The following CEMIP2 variants were observed in gnomAD, a reference collection of about 807,000 sequenced individuals.
The protein encoded by CEMIP2 is cell migration inducing hyaluronidase 2.
Under a neutral mutation model 146.9 loss-of-function variants are expected in CEMIP2, and 79 were observed. The ratio of observed to expected loss-of-function variants is 0.54; its 90% CI spans 0.45 to 0.65. CEMIP2 has a LOEUF of 0.65. CEMIP2 is among the 30% of genes least tolerant of loss of function. The probability of loss-of-function intolerance (pLI) is 0.00; values close to 1 mark genes in which losing one functional copy is unlikely to be tolerated. For missense variants in CEMIP2, 1,596 were observed against 1,696.2 expected, an observed-to-expected ratio of 0.94 and a Z score of 1.04; for synonymous variants, 601 against 606.3, an observed-to-expected ratio of 0.99 and a Z score of 0.13.
intron 1 of CEMIP2, among the ~76,000 whole-genome samples, chr9:71,762,384 G>A (rs1824659645): frequency 6.6e-6 from 1 of 151,858 alleles, no homozygotes; most frequent in African/African-American, 2.4e-5. Context: ...CCACTTAGAG[G>A]CCGAGGCAGT....
rs55972127 is a variant in CEMIP2 at position 71,755,961 on chromosome 9, CAAAAAAAAA to C, written c.-12-5585_-12-5577del. ...GGTGACAGAGCATGACTCTGTCTCA[CAAAAAAAAA>C]AAAAAAAAAAAAAAAAAAAACCTCT... On this transcript the variant is annotated intron_variant, in intron 1 of 23. Coordinates refer to ENST00000377044, the MANE Select transcript of CEMIP2 (RefSeq NM_013390.3). Among the ~76,000 whole-genome samples, 3 of 52,898 alleles carry C rather than the reference CAAAAAAAAA, an allele frequency of 5.7e-5. No individual in the cohort carries two copies. The South Asian group carries it at 1.8e-3, about 31-fold the overall frequency. The allele number at this position is 52,898 out of a possible 152,430, so 34.7% of individuals were successfully genotyped here. A position where few individuals can be genotyped will look rare whatever the true frequency, so the allele number is the denominator to read the frequency against.
At chr9:71,744,865 A>G (rs186505904) in intron 4 of CEMIP2, among the ~76,000 whole-genome samples, 153 bp downstream of exon 4, 34 of 152,294 alleles carry the variant, frequency 2.2e-4, no homozygotes, top group Admixed American at 4.6e-4. Context: ...CCTATCCTCC[A>G]GCCCCATGTC....
At chr9:71,765,512 A>T (rs1824763962) in intron 1 of CEMIP2, among the ~76,000 whole-genome samples, 1 of 152,186 alleles carries the variant, frequency 6.6e-6, no homozygotes, top group African/African-American at 2.4e-5. Flanking sequence ...TTTTAAATCC[A>T]AGTCTGACTT....
At chr9:71,728,319 G>GTATATATATATATATATATATATATACA (rs371027741) in intron 10 of CEMIP2, among the ~76,000 whole-genome samples, 1 of 32,970 alleles carries the variant, frequency 3.0e-5, no homozygotes, top group Non-Finnish European at 5.4e-5. Flanking sequence ...ATATATATAC[G>GTATATATATATATATATATATATATACA]TATATATATA....
intron 19 of CEMIP2, 110 bp from the exon 20 acceptor site, chr9:71,698,314 TC>T: frequency 2.3e-6 from 2 of 856,736 alleles, no homozygotes; most frequent in Non-Finnish European, 3.7e-6. Flanking sequence ...TAGTAACTTT[TC>T]CTTAAAACAT....
chr9:71,717,659 C>G (rs188847238), intron 13 of CEMIP2, among the ~76,000 whole-genome samples: 1 of 152,174 alleles, frequency 6.6e-6, no homozygotes, highest in Non-Finnish European at 1.5e-5. Flanking sequence ...AGCGCTCTGA[C>G]ATAGACCATG....
chr9:71,742,876 C>T (rs1823962115), intron 4 of CEMIP2, among the ~76,000 whole-genome samples: 1 of 152,100 alleles, frequency 6.6e-6, no homozygotes, highest in African/African-American at 2.4e-5. Flanking sequence ...CAGATGGCCA[C>T]CAATAAATAA....
At chr9:71,769,180 A>G (rs928398395), upstream of CEMIP2, among the ~76,000 whole-genome samples, 16 of 152,246 alleles carry the variant, frequency 1.1e-4, no homozygotes, top group South Asian at 2.3e-3. Context: ...CTGTGCCTCC[A>G]GCACCCCCAG....
chr9:71,725,653 C>T lies in CEMIP2; in HGVS notation c.2106G>A (p.Leu702=), dbSNP rs1262030754. 3 of 1,614,024 alleles carry T rather than the reference C, an allele frequency of 1.9e-6. No individual in the cohort carries two copies. The highest frequency in any genetic ancestry group is 2.5e-6 in the Non-Finnish European group (3 of 1,179,948). The part of the protein sequence containing the change: ...HKEPTGESSG[L]QLLAKPELTP... ...TGAGTTCTGGTTTTGCCAAGAGCTG[C>T]AATCCACTGGATTCCCCAGTTGGTT... The change falls in exon 11 of 24, where the codon TTG becomes TTA. Residue 702 remains leucine (L), a synonymous_variant. Transcript: ENST00000377044.
chr9:71,717,463 C>A (rs1003394999), intron 13 of CEMIP2, among the ~76,000 whole-genome samples: 3 of 151,982 alleles, frequency 2.0e-5, no homozygotes, highest in Admixed American at 2.0e-4. Flanking sequence ...TGCATGAGAC[C>A]ACTCCTAAAA....
intron 10 of CEMIP2, among the ~76,000 whole-genome samples, chr9:71,728,285 A>ATATATATATG (rs1823491784): frequency 7.3e-5 from 2 of 27,312 alleles, no homozygotes; most frequent in African/African-American, 2.2e-4. Context: ...ATATATGTAT[A>ATATATATATG]TATATATATA....
At chr9:71,728,263 A>C (rs11142983) in intron 10 of CEMIP2, among the ~76,000 whole-genome samples, 5 of 10,556 alleles carry the variant, frequency 4.7e-4, no homozygotes, top group African/African-American at 1.0e-3. Context: ...ATATACACGT[A>C]TATATATATA....
chr9:71,755,961 CAAAAAA>C (rs55972127), intron 1 of CEMIP2, among the ~76,000 whole-genome samples: 2 of 52,890 alleles, frequency 3.8e-5, no homozygotes, highest in Non-Finnish European at 7.4e-5. Flanking sequence ...CTCTGTCTCA[CAAAAAA>C]AAAAAAAAAA....
At chr9:71,757,869 T>C (rs1824511347) in intron 1 of CEMIP2, among the ~76,000 whole-genome samples, 1 of 152,238 alleles carries the variant, frequency 6.6e-6, no homozygotes, top group African/African-American at 2.4e-5. Context: ...TAAAAAAGTG[T>C]TCAATTAGAA....
At position 71,745,575 on chromosome 9, in the gene CEMIP2, C is replaced by G; in HGVS notation, c.477G>C (p.Leu159=). ...VHSIVIQDGG[L]LVFGDNKDGS... is the part of the protein sequence containing the mutation. ...CATCTTTATTGTCCCCAAATACAAGCAGTCCTGCAGGGAACACCACCCTGT... is the reference window on the plus strand; with the variant it reads ...CATCTTTATTGTCCCCAAATACAAGGAGTCCTGCAGGGAACACCACCCTGT... The change falls in exon 4 of 24, where the codon CTG becomes CTC. Residue 159 remains leucine, a synonymous_variant. Coordinates refer to ENST00000377044, the MANE Select transcript of CEMIP2 (RefSeq NM_013390.3). 2 of 1,595,368 alleles carry G rather than the reference C, an allele frequency of 1.3e-6. No homozygotes were observed. Among genetic ancestry groups the G allele is most frequent in the African/African-American group, 2.7e-5 (2 of 74,602 alleles).
chr9:71,735,967 G>A (rs140201881), intron 5 of CEMIP2, among the ~76,000 whole-genome samples: 265 of 152,106 alleles, frequency 1.7e-3, no homozygotes, highest in African/African-American at 6.0e-3. Context: ...GGTGGCACAC[G>A]CTTGTGGTCC....
At chr9:71,737,704 A>C (rs1823801681) in intron 5 of CEMIP2, among the ~76,000 whole-genome samples, 1 of 152,172 alleles carries the variant, frequency 6.6e-6, no homozygotes, top group Non-Finnish European at 1.5e-5. Flanking sequence ...TAACCTGGGC[A>C]AGTCTTGGAT....
chr9:71,703,937 T>C (rs553568792), intron 18 of CEMIP2, among the ~76,000 whole-genome samples: 38 of 152,320 alleles, frequency 2.5e-4, no homozygotes, highest in African/African-American at 9.1e-4. Flanking sequence ...CTTTGGTTTA[T>C]CTATCTACTT....
chr9:71,702,152 G>A (rs1822578812), intron 18 of CEMIP2, among the ~76,000 whole-genome samples: 1 of 151,838 alleles, frequency 6.6e-6, no homozygotes, highest in African/African-American at 2.4e-5. Flanking sequence ...CAGATACCTG[G>A]GAGGCTTAGG....
Sources: gnomAD v4.1 joint callset for allele counts (sites outside exome capture counted in the v4.1 genomes callset) on GRCh38, gnomAD v4.1.1 for gene constraint, MANE v1.5 for transcripts, NCBI Gene and HGNC (gene_info 2026-07-23, HGNC 2026-07-21) for gene names.